Variants in JPH3 observed in about 807,000 individuals in gnomAD.
The protein encoded by JPH3 is junctophilin 3.
A neutral mutation model predicts 59.6 loss-of-function variants in JPH3; 11 were observed. That is an observed-to-expected ratio of 0.18 (90% CI 0.12 to 0.31). JPH3 has a LOEUF of 0.31. Ranked by LOEUF, JPH3 falls within the 10% of genes least tolerant of loss-of-function variation. The pLI, the probability that JPH3 is intolerant of heterozygous loss-of-function variation, is 1.00. For missense variants in JPH3, 1,202 were observed against 1,105.7 expected (o/e 1.09, Z -1.24); for synonymous variants, 673 against 483.6 (o/e 1.39, Z -5.14).
chr16:87,662,638 A>G (rs944038343), intron 2 of JPH3, among the ~76,000 whole-genome samples: 31 of 152,304 alleles, frequency 2.0e-4, no homozygotes, highest in African/African-American at 7.5e-4. Context: ...TGTCCCGGCC[A>G]TGGACCCCAG....
chr16:87,682,111 C>T (rs935169142), intron 2 of JPH3, among the ~76,000 whole-genome samples: 1 of 152,202 alleles, frequency 6.6e-6, no homozygotes, highest in Admixed American at 6.5e-5. Flanking sequence ...TTGGAGCACT[C>T]TCTGGCTCTT....
intron 1 of JPH3, among the ~76,000 whole-genome samples, chr16:87,629,530 AGCGGTGACGAC>A (rs1231436396): frequency 6.6e-6 from 1 of 152,138 alleles, no homozygotes; most frequent in East Asian, 1.9e-4. Flanking sequence ...ATAAGCAAAC[AGCGGTGACGAC>A]GCGGAGCAGC....
At chr16:87,647,607 T>A (rs2150848056) in intron 2 of JPH3, among the ~76,000 whole-genome samples, 1 of 152,274 alleles carries the variant, frequency 6.6e-6, no homozygotes, top group Middle Eastern at 3.4e-3. Context: ...GGTTCCTGCT[T>A]CCGCATGCGC....
At chr16:87,678,897 T>C (rs1000049223) in intron 2 of JPH3, among the ~76,000 whole-genome samples, 1 of 152,226 alleles carries the variant, frequency 6.6e-6, no homozygotes, top group Non-Finnish European at 1.5e-5. Context: ...AGAGGATGGA[T>C]GGGAGGATTT....
chr16:87,603,503 C>T lies in JPH3; in HGVS notation c.357C>T (p.Tyr119=), dbSNP rs2150817408. ...GTWSNGLQDG[Y]GTETYSDGGT... ...GGAGCAACGGGCTGCAGGACGGCTA[C>T]GGGACCGAGACCTACTCGGACGGAG... Residue 119 remains tyrosine (Y), a synonymous_variant, in exon 1 of 5, where the codon TAC becomes TAT. Coordinates refer to ENST00000284262, the MANE Select transcript of JPH3 (RefSeq NM_020655.4). The T allele has an allele frequency of 1.3e-6, 2 of 1,549,708 alleles. No individual in the cohort carries two copies. The highest frequency in any genetic ancestry group is 1.2e-5 in the South Asian group (1 of 84,012).
intron 1 of JPH3, among the ~76,000 whole-genome samples, chr16:87,633,887 C>G (rs57007315): frequency 0.077 from 11,674 of 151,926 alleles, 1,318 homozygotes; most frequent in African/African-American, 0.25. Context: ...TCTGAAAAAC[C>G]ATAACCCCAA....
intron 2 of JPH3, among the ~76,000 whole-genome samples, chr16:87,661,463 G>C (rs573871233): frequency 1.2e-4 from 19 of 152,354 alleles, no homozygotes; most frequent in Middle Eastern, 3.4e-3. Context: ...CTCTCTTTAG[G>C]GGGAGCAAAG....
intron 2 of JPH3, among the ~76,000 whole-genome samples, chr16:87,646,342 T>C (rs535205910): frequency 2.6e-5 from 4 of 152,352 alleles, no homozygotes; most frequent in African/African-American, 9.6e-5. Context: ...CAAGATCGAT[T>C]CCAAGAAGCT....
chr16:87,637,133 T>G (rs537712650), intron 1 of JPH3, among the ~76,000 whole-genome samples: 29 of 152,376 alleles, frequency 1.9e-4, no homozygotes, highest in African/African-American at 6.7e-4. Context: ...CTTACATCTG[T>G]ATTTTTATTT....
At chr16:87,625,990 C>A (rs1439423021) in intron 1 of JPH3, among the ~76,000 whole-genome samples, 1 of 152,202 alleles carries the variant, frequency 6.6e-6, no homozygotes, top group Non-Finnish European at 1.5e-5. Context: ...TCCTCATAGC[C>A]AAGGAGGCAA....
intron 4 of JPH3, chr16:87,693,620 T>C (rs111854752): frequency 0.14 from 21,131 of 152,296 alleles, 1,629 homozygotes; most frequent in Middle Eastern, 0.22. Context: ...GAGGCTGCTG[T>C]GAACTGAGAT....
chr16:87,633,025 G>A (rs994414633), intron 1 of JPH3, among the ~76,000 whole-genome samples: 3 of 152,110 alleles, frequency 2.0e-5, no homozygotes, highest in East Asian at 3.9e-4. Flanking sequence ...GAGCCTCCAC[G>A]CTTCTCCTGT....
In JPH3 at chr16:87,689,914, C is replaced by G. The variant is rs201622335; in HGVS notation, c.1554C>G (p.Leu518=). Residue 518 remains leucine (L), a synonymous_variant, in exon 4 of 5, where the codon CTC becomes CTG. Transcript: ENST00000284262. Reference sequence around the variant, plus strand: ...AGCGGGGCGGGGACATCCAGATGCTCCTGGAGGGCCGGGCCGGGGACTGCG... The same window carrying G: ...AGCGGGGCGGGGACATCCAGATGCTGCTGGAGGGCCGGGCCGGGGACTGCG... ...DEERGGDIQM[L]LEGRAGDCAR... is the part of the protein sequence containing the mutation. The G allele has an allele frequency of 3.6e-4, 521 of 1,456,824 alleles. 1 individual carries two copies. The African/African-American group carries it at 7.0e-3, about 20-fold the overall frequency. The allele number at this position is 1,456,824 out of a possible 1,614,324, so 90.2% of individuals were successfully genotyped here.
At position 87,690,626 on chromosome 16, in the gene JPH3, T is replaced by C. The variant is rs376659495; in HGVS notation, c.2166+100T>C. ...GTTTCCAGCAAGGTCACTGCTCCCCTGTTCCTCTCCAGGGGTGGAGTAGGG... is the reference window on the plus strand; with the variant it reads ...GTTTCCAGCAAGGTCACTGCTCCCCCGTTCCTCTCCAGGGGTGGAGTAGGG... On this transcript the variant is annotated intron_variant, in intron 4 of 4. Transcript: ENST00000284262. 371 of 1,255,248 alleles carry C rather than the reference T, an allele frequency of 3.0e-4. 3 individuals are homozygous for C. In the African/African-American group the frequency reaches 5.3e-3, roughly 18 times the overall value. 77.8% of individuals were successfully genotyped at this position (1,255,248 alleles called of 1,614,324 possible). A position where few individuals can be genotyped will look rare whatever the true frequency, so the allele number is the denominator to read the frequency against.
intron 2 of JPH3, among the ~76,000 whole-genome samples, chr16:87,657,071 C>T (rs528243689): frequency 2.6e-5 from 4 of 152,252 alleles, no homozygotes; most frequent in African/African-American, 7.2e-5. Context: ...CTTGTCATAG[C>T]GGAGGCTTCA....
At chr16:87,668,667 C>T (rs542775848) in intron 2 of JPH3, among the ~76,000 whole-genome samples, 20 of 152,176 alleles carry the variant, frequency 1.3e-4, no homozygotes, top group East Asian at 3.8e-4. Flanking sequence ...CTCTTCTTGG[C>T]GGAGTCTGGC....
At chr16:87,661,562 G>C (rs2032704095) in intron 2 of JPH3, among the ~76,000 whole-genome samples, 1 of 152,256 alleles carries the variant, frequency 6.6e-6, no homozygotes, top group Non-Finnish European at 1.5e-5. Context: ...TGACTGTCCA[G>C]GGAGGCTGGG....
intron 2 of JPH3, among the ~76,000 whole-genome samples, chr16:87,666,978 C>T (rs1410553535): frequency 6.6e-6 from 1 of 152,194 alleles, no homozygotes; most frequent in Non-Finnish European, 1.5e-5. Context: ...CATGACAAAG[C>T]ACCACAAAAC....
chr16:87,638,552 C>G (rs1199295056), intron 1 of JPH3, among the ~76,000 whole-genome samples: 2 of 135,682 alleles, frequency 1.5e-5, no homozygotes, highest in Non-Finnish European at 3.2e-5. Context: ...TGGCTCCCCT[C>G]TGAGGACAAG....
Sources: allele counts gnomAD v4.1 joint callset (sites outside exome capture counted in the v4.1 genomes callset), GRCh38; gene constraint gnomAD v4.1.1; transcripts MANE v1.5; gene names NCBI Gene and HGNC (gene_info 2026-07-23, HGNC 2026-07-21).